Variants in CBR4 observed in about 807,000 individuals in gnomAD.
CBR4 encodes 3-oxoacyl-[acyl-carrier-protein] reductase.
A neutral mutation model predicts 21.0 loss-of-function variants in CBR4; 22 were observed. The ratio of observed to expected loss-of-function variants is 1.05; its 90% confidence interval spans 0.75 to 1.50. The LOEUF is 1.50. Ranked by LOEUF, CBR4 falls within the 40% of genes most tolerant of loss-of-function variation. The probability of loss-of-function intolerance (pLI) is 0.00; values close to 1 mark genes in which losing one functional copy is unlikely to be tolerated. For synonymous variants in CBR4, 100 were observed against 104.4 expected, an observed-to-expected ratio of 0.96 and a Z score of 0.26; for missense variants, 302 against 286.3, an observed-to-expected ratio of 1.05 and a Z score of -0.40.
At chr4:168,929,190 TAC>T (rs138874337) in intron 2 of CBR4, among the ~76,000 whole-genome samples, 6 of 151,452 alleles carry the variant, frequency 4.0e-5, no homozygotes, top group East Asian at 1.9e-4. Flanking sequence ...AATGAGATAT[TAC>T]ACACACACAC....
intron 2 of CBR4, among the ~76,000 whole-genome samples, chr4:168,935,146 T>C (rs1582288282): frequency 6.6e-6 from 1 of 152,124 alleles, no homozygotes; most frequent in Middle Eastern, 3.4e-3. Flanking sequence ...CAGGGTGGGG[T>C]GTCACCTCAC....
At chr4:168,919,855 T>C (rs2126434556) in intron 2 of CBR4, among the ~76,000 whole-genome samples, 1 of 152,304 alleles carries the variant, frequency 6.6e-6, no homozygotes, top group African/African-American at 2.4e-5. Context: ...CCTGAGATCA[T>C]GCTGTCTTTA....
chr4:168,937,948 C>T (rs1356234967), intron 2 of CBR4, among the ~76,000 whole-genome samples: 1 of 152,192 alleles, frequency 6.6e-6, no homozygotes, highest in Non-Finnish European at 1.5e-5. Context: ...GAGCTCAGCT[C>T]TGCACCAAGT....
chr4:168,960,597 C>T (rs1396855131), intron 2 of CBR4, among the ~76,000 whole-genome samples: 1 of 152,228 alleles, frequency 6.6e-6, no homozygotes, highest in East Asian at 1.9e-4. Context: ...CCCAAGAACA[C>T]AGTAAATGCT....
chr4:169,009,909 C>T (rs777460724), intron 1 of CBR4, 39 bp downstream of exon 1: 83 of 1,580,912 alleles, frequency 5.3e-5, no homozygotes, highest in Non-Finnish European at 6.9e-5. Flanking sequence ...GCGCCTGGAC[C>T]GCGGCCATAC....
At chr4:169,004,596 C>T (rs1289802556) in intron 3 of CBR4, among the ~76,000 whole-genome samples, 2 of 152,198 alleles carry the variant, frequency 1.3e-5, no homozygotes, top group Non-Finnish European at 2.9e-5. Flanking sequence ...TTTATCCATA[C>T]ATAAGAAGCA....
At chr4:168,907,344 A>C (rs1233592852) in intron 2 of CBR4, among the ~76,000 whole-genome samples, 4 of 152,196 alleles carry the variant, frequency 2.6e-5, no homozygotes, top group South Asian at 2.1e-4. Flanking sequence ...CAGTACTGTC[A>C]GAAAGTAAGC....
chr4:168,915,758 T>C (rs1260084825), intron 2 of CBR4: 1 of 659,278 alleles, frequency 1.5e-6, no homozygotes, highest in Admixed American at 2.8e-5. Context: ...GATTTTTTAA[T>C]GTGTAAATCT....
chr4:168,975,855 T>G (rs552968107), intron 2 of CBR4, among the ~76,000 whole-genome samples: 51 of 152,162 alleles, frequency 3.4e-4, no homozygotes, highest in African/African-American at 1.2e-3. Context: ...TCATACAGGT[T>G]GCCAGGGAAG....
intron 2 of CBR4, among the ~76,000 whole-genome samples, chr4:168,958,601 TTTATG>T (rs1360411890): frequency 6.6e-6 from 1 of 152,240 alleles, no homozygotes; most frequent in African/African-American, 2.4e-5. Context: ...ATGGCTGAAT[TTTATG>T]TTAAGTTTAT....
At chr4:168,930,785 C>T (rs1270095010) in intron 2 of CBR4, among the ~76,000 whole-genome samples, 2 of 152,166 alleles carry the variant, frequency 1.3e-5, no homozygotes, top group African/African-American at 4.8e-5. Context: ...AAAACGTAAG[C>T]AGAGCCCCAT....
intron 4 of CBR4, among the ~76,000 whole-genome samples, chr4:168,992,682 AAC>A (rs1265063761): frequency 1.3e-5 from 2 of 152,202 alleles, no homozygotes; most frequent in Admixed American, 1.3e-4. Context: ...CCAAAATATT[AAC>A]AGTGATTATC....
In CBR4 at chr4:168,989,181, A is replaced by G; in HGVS notation, c.*969T>C. On this transcript the variant is annotated 3_prime_UTR_variant, in exon 5 of 5. Transcript: ENST00000306193. ...TTACTTTCTAGAATTTTGGGATAAG[A>G]ATCATAATCACTAATGCAAAATACT... 4 of 967,870 alleles carry G rather than the reference A, an allele frequency of 4.1e-6. No individual in the cohort carries two copies. The highest frequency in any genetic ancestry group is 4.9e-6 in the Non-Finnish European group (4 of 813,956). 60.0% of individuals were successfully genotyped at this position (967,870 alleles called of 1,614,324 possible). A position where few individuals can be genotyped will look rare whatever the true frequency, so the allele number is the denominator to read the frequency against.
In CBR4 at chr4:168,988,883, A is replaced by G. The variant is rs1340397673; in HGVS notation, c.*1267T>C. The G allele has an allele frequency of 1.0e-6, 1 of 975,096 alleles. No individual in the cohort carries two copies. Among genetic ancestry groups the G allele is most frequent in the African/African-American group, 1.8e-5 (1 of 57,038 alleles). 60.4% of individuals were successfully genotyped at this position (975,096 alleles called of 1,614,324 possible). The stretch of plus-strand genomic sequence containing the variant: ...ATTCATAATTTTGCACTGACTTTCA[A>G]TATAAAATTAAATCTCTGCTTACAC... On this transcript the variant is annotated 3_prime_UTR_variant, in exon 5 of 5. Coordinates refer to ENST00000306193, the MANE Select transcript of CBR4 (RefSeq NM_032783.5).
intron 1 of CBR4, 70 bp downstream of exon 1, chr4:169,009,878 T>C (rs746164268): frequency 1.2e-4 from 179 of 1,443,860 alleles, no homozygotes; most frequent in South Asian, 4.6e-4. Context: ...CCGCTCTTTT[T>C]ACAAAGGAGA....
intron 2 of CBR4, among the ~76,000 whole-genome samples, chr4:168,957,581 C>T (rs1405335312): frequency 6.6e-6 from 1 of 152,138 alleles, no homozygotes; most frequent in African/African-American, 2.4e-5. Context: ...AAACTACTTC[C>T]ACCACCTATA....
Position 169,006,795 on chromosome 4 carries a change from C to A in CBR4, c.360G>T (p.Arg120Ser), listed in dbSNP as rs201254621. The A allele has an allele frequency of 5.4e-5, 87 of 1,613,808 alleles. No homozygotes were observed. The highest frequency in any genetic ancestry group is 1.6e-4 in the Middle Eastern group (1 of 6,080). The stretch of plus-strand genomic sequence containing the variant: ...ACCCTCCCTGTTGTTGAATCATAGT[C>A]CTCATGGCAGCTTTACAGGTCAGCA... ...GSMLTCKAAM[R>S]TMIQQQGGSI... Residue 120 changes from arginine to serine, a missense_variant, in exon 3 of 5, where the codon AGG becomes AGT. By Grantham distance (110) the Arg-to-Ser change is moderately radical. Coordinates refer to ENST00000306193, the MANE Select transcript of CBR4 (RefSeq NM_032783.5).
intron 2 of CBR4, among the ~76,000 whole-genome samples, chr4:168,981,411 T>C (rs145400692): frequency 8.6e-4 from 131 of 151,764 alleles, no homozygotes; most frequent in African/African-American, 3.0e-3. Context: ...AAAAATAAAA[T>C]AAAAATAAAG....
At position 168,988,618 on chromosome 4, in the gene CBR4, T is replaced by C; in HGVS notation, c.*1532A>G. On this transcript the variant is annotated 3_prime_UTR_variant, in exon 5 of 5. Transcript: ENST00000306193. ...ACCATTCTGAGTGCTGCATTTCCTATATGTGCCTAGACTTGGTAATGCCTG... is the reference window on the plus strand; with the variant it reads ...ACCATTCTGAGTGCTGCATTTCCTACATGTGCCTAGACTTGGTAATGCCTG... 2 of 985,442 alleles carry C rather than the reference T, an allele frequency of 2.0e-6. No homozygotes were observed. Among genetic ancestry groups the C allele is most frequent in the Non-Finnish European group, 2.4e-6 (2 of 829,920 alleles). 61.0% of individuals were successfully genotyped at this position (985,442 alleles called of 1,614,324 possible). A position where few individuals can be genotyped will look rare whatever the true frequency, so the allele number is the denominator to read the frequency against.
Sources: gnomAD v4.1 joint callset for allele counts (sites outside exome capture counted in the v4.1 genomes callset) on GRCh38, gnomAD v4.1.1 for gene constraint, MANE v1.5 for transcripts, NCBI Gene and HGNC (gene_info 2026-07-23, HGNC 2026-07-21) for gene names.